CPEB3: variants seen among roughly 807,000 people sequenced by gnomAD.
CPEB3 encodes the protein cytoplasmic polyadenylation element-binding protein 3.
Under a neutral mutation model 67.2 loss-of-function variants are expected in CPEB3, and 20 were observed. That is an observed-to-expected ratio of 0.30 (90% confidence interval 0.21 to 0.43). The LOEUF is 0.43. CPEB3 is among the 20% of genes least tolerant of loss of function. The pLI is 1.00. For missense variants in CPEB3, 746 were observed against 968.6 expected (o/e 0.77, Z 3.05); for synonymous variants, 376 against 393.1 (o/e 0.96, Z 0.51).
intron 3 of CPEB3, among the ~76,000 whole-genome samples, chr10:92,189,698 A>ATTTTTTT (rs1035403421): frequency 2.3e-5 from 2 of 88,056 alleles, no homozygotes; most frequent in Non-Finnish European, 4.5e-5. Context: ...GTCTCTAGTG[A>ATTTTTTT]TTTTTTTTTT....
chr10:92,162,919 C>T (rs886563555), intron 4 of CPEB3, among the ~76,000 whole-genome samples: 4 of 152,110 alleles, frequency 2.6e-5, no homozygotes, highest in Admixed American at 6.6e-5. Context: ...ATTTCGTGTA[C>T]GCCCCCTAGC....
At chr10:92,106,179 C>A (rs1329500922) in intron 7 of CPEB3, among the ~76,000 whole-genome samples, 1 of 152,026 alleles carries the variant, frequency 6.6e-6, no homozygotes, top group Non-Finnish European at 1.5e-5. Context: ...AGGCATGAGC[C>A]ACTGCACCCA....
chr10:92,101,232 A>C (rs560614806), intron 7 of CPEB3, among the ~76,000 whole-genome samples: 5 of 152,164 alleles, frequency 3.3e-5, no homozygotes, highest in Non-Finnish European at 7.3e-5. Context: ...TTTCCCAAAA[A>C]GGACCTGGTT....
At chr10:92,290,491 T>TA (rs1842813574) in intron 1 of CPEB3, among the ~76,000 whole-genome samples, 1 of 152,038 alleles carries the variant, frequency 6.6e-6, no homozygotes, top group South Asian at 2.1e-4. Flanking sequence ...CGTGTTCCAT[T>TA]TGGAGACTGT....
chr10:92,218,733 T>C (rs758827139), intron 2 of CPEB3, among the ~76,000 whole-genome samples: 1 of 152,084 alleles, frequency 6.6e-6, no homozygotes. Context: ...GAGATTGTCA[T>C]AGGGTGCTCT....
chr10:92,093,318 ATTGT>A (rs1843701118), intron 7 of CPEB3, among the ~76,000 whole-genome samples: 1 of 152,188 alleles, frequency 6.6e-6, no homozygotes. Flanking sequence ...TATTAATGGA[ATTGT>A]TCATTTCCCC....
chr10:92,189,690 C>A (rs1365827641), intron 3 of CPEB3, among the ~76,000 whole-genome samples: 1 of 140,972 alleles, frequency 7.1e-6, no homozygotes, highest in Non-Finnish European at 1.5e-5. Context: ...GGTAGAGAGT[C>A]TCTAGTGATT....
intron 4 of CPEB3, among the ~76,000 whole-genome samples, chr10:92,152,924 A>G (rs1028209080): frequency 3.3e-5 from 5 of 152,232 alleles, no homozygotes; most frequent in Non-Finnish European, 7.3e-5. Flanking sequence ...CTTAATGAGT[A>G]AAATTTGGGT....
intron 6 of CPEB3, among the ~76,000 whole-genome samples, chr10:92,120,457 G>A (rs1032818127): frequency 1.8e-4 from 28 of 151,866 alleles, no homozygotes; most frequent in Admixed American, 1.5e-3. Context: ...GGTGGCGGGC[G>A]CCTATAGTCC....
intron 9 of CPEB3, among the ~76,000 whole-genome samples, chr10:92,076,827 A>C (rs1293431056): frequency 7.7e-6 from 1 of 130,632 alleles, no homozygotes; most frequent in Non-Finnish European, 1.7e-5. Flanking sequence ...GAGAAAGAGG[A>C]GGAGGAGGAA....
At chr10:92,203,957 T>C (rs1417133026) in intron 2 of CPEB3, among the ~76,000 whole-genome samples, 1 of 152,210 alleles carries the variant, frequency 6.6e-6, no homozygotes, top group Non-Finnish European at 1.5e-5. Context: ...CAGGAACCTA[T>C]AAGCAATTAT....
rs772667821 is a variant in CPEB3 at position 92,081,304 on chromosome 10, C to CT, written c.1869+15dup. 1.2e-6 allele frequency: 2 copies of CT among 1,614,100 alleles called. No individual in the cohort carries two copies. The highest frequency in any genetic ancestry group is 1.3e-5 in the African/African-American group (1 of 75,044). On this transcript the variant is annotated intron_variant, in intron 9 of 9. Transcript: ENST00000265997. ...TTTTCTCTCCCATAGCAGTTTCACCCTAAGTAGGTGCTTACCCGTTTGTCA... is the reference window on the plus strand; with the variant it reads ...TTTTCTCTCCCATAGCAGTTTCACCCTTAAGTAGGTGCTTACCCGTTTGTCA...
intron 3 of CPEB3, among the ~76,000 whole-genome samples, chr10:92,188,797 A>C (rs779533889): frequency 3.3e-5 from 5 of 152,230 alleles, no homozygotes; most frequent in African/African-American, 4.8e-5. Flanking sequence ...GATTAATGCT[A>C]TAGAAGATAT....
chr10:92,081,303 C>A lies in CPEB3; in HGVS notation c.1869+17G>T. The A allele has an allele frequency of 6.2e-7, 1 of 1,613,996 alleles. No homozygotes were observed. The highest frequency in any genetic ancestry group is 8.5e-7 in the Non-Finnish European group (1 of 1,179,956). On this transcript the variant is annotated intron_variant, in intron 9 of 9. Transcript: ENST00000265997. ...CTTTTCTCTCCCATAGCAGTTTCAC[C>A]CTAAGTAGGTGCTTACCCGTTTGTC...
intron 6 of CPEB3, among the ~76,000 whole-genome samples, chr10:92,120,560 G>A (rs1845311891): frequency 6.6e-6 from 1 of 151,950 alleles, no homozygotes; most frequent in South Asian, 2.1e-4. Flanking sequence ...CTCCACCCTG[G>A]GTGACAGAGC....
rs1205692736 is a variant in CPEB3, at chr10:92,052,003, T to A, written c.*209A>T. On this transcript the variant is annotated 3_prime_UTR_variant, in exon 10 of 10. Coordinates refer to ENST00000265997, the MANE Select transcript of CPEB3 (RefSeq NM_014912.5). ...GAATCAAAGTGCAAATCAGTACCAT[T>A]CTACACTCTGCAATTCTGCATTATA... 1 of 535,066 alleles carries A rather than the reference T, an allele frequency of 1.9e-6. No homozygotes were observed. The highest frequency in any genetic ancestry group is 3.1e-5 in the East Asian group (1 of 32,420). The allele number at this position is 535,066 out of a possible 1,614,324, so 33.1% of individuals were successfully genotyped here.
At chr10:92,283,366 G>A (rs1368900443) in intron 1 of CPEB3, among the ~76,000 whole-genome samples, 2 of 152,140 alleles carry the variant, frequency 1.3e-5, no homozygotes, top group African/African-American at 4.8e-5. Flanking sequence ...CAATTTAAAT[G>A]AATTTTCTCA....
Position 92,239,880 on chromosome 10 carries a change from C to T in CPEB3, c.471G>A (p.Leu157=). 6.2e-7 allele frequency: 1 copy of T among 1,610,706 alleles called. No homozygotes were observed. Among genetic ancestry groups the T allele is most frequent in the South Asian group, 1.1e-5 (1 of 90,652 alleles). ...GCTGCTGGTGGTGCTGGGTCTGCGC[C>T]AGGCCGATCTGCGGGGAGAAAGTGC... is the stretch of plus-strand genomic sequence containing the variant. ...FGGTFSPQIG[L]AQTQHHQQPP... is the part of the protein sequence containing the mutation. The change falls in exon 2 of 10, where the codon CTG becomes CTA. Residue 157 remains leucine, a synonymous_variant. Transcript: ENST00000265997. The surrounding 1 kb of genome is among the most constrained non-coding windows in gnomAD (Gnocchi z 6.0).
At chr10:92,211,598 G>A (rs1344204372) in intron 2 of CPEB3, among the ~76,000 whole-genome samples, 4 of 150,574 alleles carry the variant, frequency 2.7e-5, no homozygotes, top group South Asian at 2.1e-4. Context: ...GTGCAGTGGC[G>A]CGATCTTGGC....
Sources: allele counts gnomAD v4.1 joint callset (sites outside exome capture counted in the v4.1 genomes callset), GRCh38; gene constraint gnomAD v4.1.1; non-coding constraint Gnocchi (gnomAD v3.1); transcripts MANE v1.5; gene names NCBI Gene and HGNC (gene_info 2026-07-23, HGNC 2026-07-21).